The following NCKAP5 variants were observed in gnomAD, a reference collection of about 807,000 sequenced individuals.
NCKAP5 encodes the protein nck-associated protein 5.
NCKAP5 carries 92 observed loss-of-function variants against 167.0 expected under a neutral mutation model. The ratio of observed to expected loss-of-function variants is 0.55; its 90% confidence interval spans 0.47 to 0.66. NCKAP5 has a LOEUF of 0.66. Among genes scored for constraint, NCKAP5 ranks in the 30% least tolerant of loss-of-function variants. NCKAP5 has a pLI of 0.00. For missense variants in NCKAP5, 2,378 were observed against 2,315.0 expected (o/e 1.03, Z -0.56); for synonymous variants, 891 against 877.4 (o/e 1.02, Z -0.27).
chr2:133,184,980 C>T (rs967499304), intron 5 of NCKAP5, among the ~76,000 whole-genome samples: 3 of 152,034 alleles, frequency 2.0e-5, no homozygotes, highest in East Asian at 1.9e-4. Context: ...TCTCATTTGC[C>T]TATTTTTTAT....
intron 19 of NCKAP5, among the ~76,000 whole-genome samples, chr2:132,678,676 A>G (rs11890051): frequency 0.05 from 7,592 of 152,234 alleles, 596 homozygotes; most frequent in African/African-American, 0.17. Context: ...AGATAGCACT[A>G]TTATCATCCC....
rs145983397 is a variant in NCKAP5 at position 133,398,951 on chromosome 2, G to C, written c.70-95841C>G. ...AGGGGAAGTTTATAAAGTGGAGCTGGGCTGGGAATTGGCATCACAGATAAT... is the reference window on the plus strand; with the variant it reads ...AGGGGAAGTTTATAAAGTGGAGCTGCGCTGGGAATTGGCATCACAGATAAT... On this transcript the variant is annotated intron_variant, in intron 3 of 19. Transcript: ENST00000409261. Among the ~76,000 whole-genome samples the C allele has an allele frequency of 4.2e-3, 645 of 152,258 alleles. 8 individuals are homozygous for C. Among genetic ancestry groups the C allele is most frequent in the African/African-American group, 0.015 (617 of 41,540 alleles).
chr2:133,105,184 A>G (rs1447214128), intron 6 of NCKAP5, among the ~76,000 whole-genome samples: 1 of 152,232 alleles, frequency 6.6e-6, no homozygotes, highest in Non-Finnish European at 1.5e-5. Context: ...TACACCTAAA[A>G]TATACTTATT....
chr2:133,250,699 G>C (rs1200676692), intron 4 of NCKAP5, among the ~76,000 whole-genome samples: 1 of 152,190 alleles, frequency 6.6e-6, no homozygotes, highest in African/African-American at 2.4e-5. Context: ...ACACTTTGGG[G>C]AGCCAAGGAG....
At chr2:132,741,459 C>T (rs1679186088) in intron 16 of NCKAP5, among the ~76,000 whole-genome samples, 2 of 152,044 alleles carry the variant, frequency 1.3e-5, no homozygotes. Flanking sequence ...ATTTGTTTGA[C>T]AAGGTCATCT....
At chr2:132,814,176 G>C (rs560553647) in intron 11 of NCKAP5, among the ~76,000 whole-genome samples, 1 of 152,308 alleles carries the variant, frequency 6.6e-6, no homozygotes, top group African/African-American at 2.4e-5. Flanking sequence ...CAGGGTTTCA[G>C]ACTTATTACT....
At chr2:133,465,806 T>C (rs1251019608) in intron 3 of NCKAP5, among the ~76,000 whole-genome samples, 8 of 151,028 alleles carry the variant, frequency 5.3e-5, no homozygotes, top group Admixed American at 5.3e-4. Flanking sequence ...ATAAATGTCT[T>C]CTTTTGAGAA....
intron 16 of NCKAP5, among the ~76,000 whole-genome samples, chr2:132,748,271 C>G (rs1317051105): frequency 2.0e-5 from 3 of 152,170 alleles, no homozygotes; most frequent in Admixed American, 6.5e-5. Flanking sequence ...GAAAATTAGG[C>G]AAATAAGGTC....
At chr2:133,030,385 C>G (rs551416554) in intron 6 of NCKAP5, among the ~76,000 whole-genome samples, 2 of 152,312 alleles carry the variant, frequency 1.3e-5, no homozygotes, top group South Asian at 4.1e-4. Context: ...TTGTCTCTAT[C>G]TGACCACGCC....
intron 3 of NCKAP5, among the ~76,000 whole-genome samples, chr2:133,454,621 T>C (rs572405455): frequency 6.6e-6 from 1 of 152,112 alleles, no homozygotes; most frequent in Non-Finnish European, 1.5e-5. Context: ...GCTTTTGACA[T>C]GGCTGAGATT....
rs72842458 is a variant in NCKAP5 at position 133,124,140 on chromosome 2, G to A, written c.341+5838C>T. Among the ~76,000 whole-genome samples the A allele has an allele frequency of 3.6e-3, 551 of 152,338 alleles. 3 individuals are homozygous for A. Among genetic ancestry groups the A allele is most frequent in the Non-Finnish European group, 5.8e-3 (394 of 68,034 alleles). ...GTAAAGAAATAGCTTCAAGGCTGTG[G>A]ATGACGGTGCCAGGGGAGAAGGTCA... On this transcript the variant is annotated intron_variant, in intron 6 of 19. Coordinates refer to ENST00000409261, the MANE Select transcript of NCKAP5 (RefSeq NM_207363.3).
At chr2:133,079,258 C>T (rs142445131) in intron 6 of NCKAP5, among the ~76,000 whole-genome samples, 173 of 152,184 alleles carry the variant, frequency 1.1e-3, no homozygotes, top group Middle Eastern at 6.8e-3. Context: ...AAGGGAGATT[C>T]AATTATATTC....
intron 6 of NCKAP5, among the ~76,000 whole-genome samples, chr2:133,096,478 ACT>A (rs755241002): frequency 4.8e-5 from 7 of 147,158 alleles, no homozygotes; most frequent in Non-Finnish European, 7.4e-5. Flanking sequence ...ACAGAGTGAG[ACT>A]CTGTCTCAAA....
the NCKAP5 span, among the ~76,000 whole-genome samples, chr2:133,585,664 ATG>A: frequency 6.6e-6 from 1 of 152,258 alleles, no homozygotes; most frequent in Non-Finnish European, 1.5e-5. Flanking sequence ...TGTATTAGAC[ATG>A]TGTCAGTCAC....
chr2:133,588,107 CACTT>C, the NCKAP5 span, among the ~76,000 whole-genome samples: 37 of 152,258 alleles, frequency 2.4e-4, no homozygotes, highest in African/African-American at 8.4e-4. Context: ...TACACACACA[CACTT>C]ACATACACAT....
intron 8 of NCKAP5, among the ~76,000 whole-genome samples, chr2:132,917,616 A>G (rs1312971614): frequency 1.3e-5 from 2 of 152,168 alleles, no homozygotes; most frequent in African/African-American, 4.8e-5. Flanking sequence ...AAATACAGGG[A>G]AAATATTATT....
chr2:132,690,653 C>G (rs1007743806), intron 19 of NCKAP5, among the ~76,000 whole-genome samples: 1 of 152,172 alleles, frequency 6.6e-6, no homozygotes, highest in Non-Finnish European at 1.5e-5. Flanking sequence ...CATTCTTCTC[C>G]TTTCCCCTGC....
At chr2:133,147,836 C>G (rs989776276) in intron 5 of NCKAP5, among the ~76,000 whole-genome samples, 1 of 152,034 alleles carries the variant, frequency 6.6e-6, no homozygotes, top group African/African-American at 2.4e-5. Flanking sequence ...ATGAGTGACT[C>G]TAAGTCCTAT....
intron 11 of NCKAP5, among the ~76,000 whole-genome samples, chr2:132,845,387 A>G (rs1688586953): frequency 6.6e-6 from 1 of 152,136 alleles, no homozygotes; most frequent in South Asian, 2.1e-4. Flanking sequence ...AATTAAAACA[A>G]AAAGTCTTCA....
Sources: gnomAD v4.1 joint callset for allele counts (sites outside exome capture counted in the v4.1 genomes callset) on GRCh38, gnomAD v4.1.1 for gene constraint, MANE v1.5 for transcripts, NCBI Gene and HGNC (gene_info 2026-07-23, HGNC 2026-07-21) for gene names.